LRGUK: variants seen among roughly 807,000 people sequenced by gnomAD.
LRGUK encodes leucine rich repeats and guanylate kinase domain containing.
A neutral mutation model predicts 76.0 loss-of-function variants in LRGUK; 65 were observed. The observed-to-expected ratio is 0.85, with a 90% CI of 0.70 to 1.05. The LOEUF (loss-of-function observed/expected upper bound fraction) is 1.05. Among genes scored for constraint, LRGUK ranks in the 50% least tolerant of loss-of-function variants. The pLI is 0.00. For missense variants in LRGUK, 758 were observed against 732.8 expected (o/e 1.03, Z -0.40); for synonymous variants, 268 against 265.6 (o/e 1.01, Z -0.09).
intron 18 of LRGUK, among the ~76,000 whole-genome samples, chr7:134,251,257 A>C (rs1802439194): frequency 6.6e-6 from 1 of 152,122 alleles, no homozygotes; most frequent in Admixed American, 6.6e-5. Flanking sequence ...TCCTTGTAAA[A>C]AGGAGAAATT....
chr7:134,199,953 A>G (rs1800680092), intron 14 of LRGUK, among the ~76,000 whole-genome samples: 1 of 137,718 alleles, frequency 7.3e-6, no homozygotes, highest in Non-Finnish European at 1.6e-5. Flanking sequence ...TACACATATA[A>G]AATTTCTATA....
chr7:134,254,055 A>C (rs992412981), intron 18 of LRGUK, among the ~76,000 whole-genome samples: 3 of 152,208 alleles, frequency 2.0e-5, no homozygotes, highest in Non-Finnish European at 4.4e-5. Context: ...ACAATTCACA[A>C]AAGGAGTGTG....
intron 12 of LRGUK, among the ~76,000 whole-genome samples, chr7:134,196,660 A>G (rs1047620116): frequency 2.6e-5 from 4 of 152,218 alleles, no homozygotes; most frequent in Non-Finnish European, 5.9e-5. Flanking sequence ...TTCTCTCAGT[A>G]ATGAAGGTTT....
chr7:134,208,113 C>G (rs1801083000), intron 15 of LRGUK, among the ~76,000 whole-genome samples: 1 of 152,164 alleles, frequency 6.6e-6, no homozygotes, highest in Non-Finnish European at 1.5e-5. Context: ...TCCTCAGGAG[C>G]AGCTGTTCTG....
chr7:134,265,370 C>A (rs929074806), downstream of LRGUK, among the ~76,000 whole-genome samples: 20 of 152,132 alleles, frequency 1.3e-4, no homozygotes, highest in African/African-American at 4.8e-4. Context: ...GAAAAGAAGG[C>A]AGATGGGCTA....
intron 12 of LRGUK, among the ~76,000 whole-genome samples, chr7:134,192,506 G>T (rs1800298599): frequency 6.6e-6 from 1 of 152,138 alleles, no homozygotes; most frequent in African/African-American, 2.4e-5. Flanking sequence ...TGACAATCTG[G>T]TTATTGATAG....
At position 134,189,628 on chromosome 7, in the gene LRGUK, T is replaced by C. The variant is rs367715385; in HGVS notation, c.1335-2027T>C. Among the ~76,000 whole-genome samples, 11 of 152,310 alleles carry C rather than the reference T, an allele frequency of 7.2e-5. No individual in the cohort carries two copies. The East Asian group carries it at 1.7e-3, about 24-fold the overall frequency. On this transcript the variant is annotated intron_variant, in intron 11 of 15. Coordinates refer to ENST00000645682, the Ensembl canonical transcript of LRGUK. ...TTCAGAAGAAATTCTTGCCACTCAA[T>C]TCCTTTGTTGAGAAATGTAAGTTCA...
chr7:134,232,628 A>G (rs1801930042), intron 16 of LRGUK, among the ~76,000 whole-genome samples: 1 of 152,134 alleles, frequency 6.6e-6, no homozygotes, highest in Non-Finnish European at 1.5e-5. Context: ...GAACCTAAAT[A>G]ATTTGTCTTT....
chr7:134,249,553 C>G (rs547611802), intron 18 of LRGUK, among the ~76,000 whole-genome samples: 1 of 152,296 alleles, frequency 6.6e-6, no homozygotes, highest in East Asian at 1.9e-4. Context: ...CACTAATTCC[C>G]TTTTTAATAT....
intron 15 of LRGUK, among the ~76,000 whole-genome samples, chr7:134,205,162 A>G (rs1397492055): frequency 6.6e-6 from 1 of 152,204 alleles, no homozygotes; most frequent in African/African-American, 2.4e-5. Context: ...GTGTCCTATC[A>G]GAGTGCCCTT....
At chr7:134,183,297 G>A (rs563928704) in intron 10 of LRGUK, among the ~76,000 whole-genome samples, 1 of 152,326 alleles carries the variant, frequency 6.6e-6, no homozygotes, top group African/African-American at 2.4e-5. Context: ...CTGGCACATA[G>A]TAATTGCTCA....
intron 12 of LRGUK, among the ~76,000 whole-genome samples, chr7:134,194,172 T>C (rs1585531282): frequency 6.6e-6 from 1 of 152,024 alleles, no homozygotes; most frequent in East Asian, 1.9e-4. Context: ...CAGAATGGGG[T>C]GGAGGGAAAC....
chr7:134,194,734 C>A (rs994889436), intron 12 of LRGUK, among the ~76,000 whole-genome samples: 1 of 152,094 alleles, frequency 6.6e-6, no homozygotes. Context: ...CAGCAAGACT[C>A]CATCTCTTAA....
At chr7:134,251,115 A>G (rs1802434146) in intron 18 of LRGUK, among the ~76,000 whole-genome samples, 1 of 152,054 alleles carries the variant, frequency 6.6e-6, no homozygotes, top group Non-Finnish European at 1.5e-5. Flanking sequence ...CATTCCCCCA[A>G]TTTCATATGT....
At chr7:134,203,588 T>A (rs1800877709) in intron 15 of LRGUK, among the ~76,000 whole-genome samples, 1 of 152,212 alleles carries the variant, frequency 6.6e-6, no homozygotes, top group South Asian at 2.1e-4. Flanking sequence ...CTTCTCCATA[T>A]GTCTTATAGG....
At chr7:134,236,859 T>C (rs1802028373) in intron 16 of LRGUK, among the ~76,000 whole-genome samples, 1 of 152,148 alleles carries the variant, frequency 6.6e-6, no homozygotes, top group African/African-American at 2.4e-5. Context: ...AGAAATTTCT[T>C]ACACCTACTG....
intron 10 of LRGUK, among the ~76,000 whole-genome samples, chr7:134,178,934 A>AAAAAAAAAAAAAAAAACCC (rs376955591): frequency 1.3e-5 from 1 of 78,164 alleles, no homozygotes; most frequent in East Asian, 5.1e-4. Flanking sequence ...CTCAAAAAAA[A>AAAAAAAAAAAAAAAAACCC]AAAAAAAAAA....
chr7:134,159,840 A>G (rs1386861358), intron 6 of LRGUK, among the ~76,000 whole-genome samples: 1 of 152,174 alleles, frequency 6.6e-6, no homozygotes, highest in Non-Finnish European at 1.5e-5. Flanking sequence ...CCATTCCTGC[A>G]GTGAGTTAGG....
At chr7:134,254,571 C>A (rs1360222529) in intron 18 of LRGUK, among the ~76,000 whole-genome samples, 1 of 152,096 alleles carries the variant, frequency 6.6e-6, no homozygotes, top group Non-Finnish European at 1.5e-5. Flanking sequence ...AATAAGGGCA[C>A]TAATCCCACC....
Sources: allele counts gnomAD v4.1 joint callset (sites outside exome capture counted in the v4.1 genomes callset), GRCh38; gene constraint gnomAD v4.1.1; transcripts MANE v1.5; gene names NCBI Gene and HGNC (gene_info 2026-07-23, HGNC 2026-07-21).